The following SORCS2 variants were observed in gnomAD, a reference collection of about 807,000 sequenced individuals.
SORCS2 encodes the protein sortilin related VPS10 domain containing receptor 2.
SORCS2 carries 100 observed loss-of-function variants against 141.6 expected under a neutral mutation model. The ratio of observed to expected loss-of-function variants is 0.71; its 90% confidence interval spans 0.60 to 0.83. The LOEUF (loss-of-function observed/expected upper bound fraction) is 0.83. Ranked by LOEUF, SORCS2 falls within the 40% of genes least tolerant of loss-of-function variation. SORCS2 has a pLI of 0.00. For synonymous variants in SORCS2, 789 were observed against 676.9 expected (o/e 1.17, Z -2.57); for missense variants, 1,646 against 1,560.2 (o/e 1.05, Z -0.93).
At chr4:7,702,785 T>G (rs1275366607) in intron 12 of SORCS2, among the ~76,000 whole-genome samples, 1 of 152,234 alleles carries the variant, frequency 6.6e-6, no homozygotes, top group Non-Finnish European at 1.5e-5. Flanking sequence ...CAATGACAGA[T>G]GAGCATAGTA....
chr4:7,522,237 A>C (rs1733374334), intron 2 of SORCS2, among the ~76,000 whole-genome samples: 1 of 152,042 alleles, frequency 6.6e-6, no homozygotes, highest in African/African-American at 2.4e-5. Flanking sequence ...CACCCTGAGG[A>C]GGAGGGGTGG....
At chr4:7,224,382 A>G (rs911393498) in intron 1 of SORCS2, among the ~76,000 whole-genome samples, 1 of 152,136 alleles carries the variant, frequency 6.6e-6, no homozygotes, top group African/African-American at 2.4e-5. Context: ...GTTAAGGGTG[A>G]GAGGAGGCGG....
At chr4:7,737,518 G>A (rs541411945) in intron 26 of SORCS2, among the ~76,000 whole-genome samples, 6 of 152,322 alleles carry the variant, frequency 3.9e-5, no homozygotes, top group African/African-American at 1.2e-4. Context: ...GCCTCAGGAC[G>A]TGGGAGGCCT....
At chr4:7,216,055 T>C (rs925514390) in intron 1 of SORCS2, among the ~76,000 whole-genome samples, 1 of 152,212 alleles carries the variant, frequency 6.6e-6, no homozygotes, top group African/African-American at 2.4e-5. Flanking sequence ...GGGTCCACAC[T>C]GCTTTTATGA....
chr4:7,676,339 C>T lies in SORCS2; in HGVS notation c.1341+110C>T, dbSNP rs1044982172. 53 of 1,207,718 alleles carry T rather than the reference C, an allele frequency of 4.4e-5. No individual in the cohort carries two copies. In the Middle Eastern group the frequency reaches 8.3e-4, roughly 19 times the overall value. The allele number at this position is 1,207,718 out of a possible 1,614,324, so 74.8% of individuals were successfully genotyped here. On this transcript the variant is annotated intron_variant, in intron 9 of 26. Coordinates refer to ENST00000507866, the MANE Select transcript of SORCS2 (RefSeq NM_020777.3). ...CTCCCGCCTGTCTATATAGCTGTCTCAAGGGTCTGCACACATCTTCTGTAC... is the reference window on the plus strand; with the variant it reads ...CTCCCGCCTGTCTATATAGCTGTCTTAAGGGTCTGCACACATCTTCTGTAC...
At chr4:7,266,410 C>T (rs1280408507) in intron 1 of SORCS2, among the ~76,000 whole-genome samples, 1 of 152,200 alleles carries the variant, frequency 6.6e-6, no homozygotes. Flanking sequence ...TCCTGCCCTC[C>T]TCCCTTCTTT....
At chr4:7,401,883 CT>C (rs1260777668) in intron 2 of SORCS2, among the ~76,000 whole-genome samples, 1 of 152,132 alleles carries the variant, frequency 6.6e-6, no homozygotes, top group Admixed American at 6.5e-5. Flanking sequence ...GGAAGTGATT[CT>C]TTTTCGTTAT....
chr4:7,341,520 C>T (rs1720367414), intron 1 of SORCS2, among the ~76,000 whole-genome samples: 1 of 152,162 alleles, frequency 6.6e-6, no homozygotes, highest in Admixed American at 6.5e-5. Context: ...CTGTAAGAGG[C>T]CTGGCAGCAG....
intron 1 of SORCS2, among the ~76,000 whole-genome samples, chr4:7,359,148 T>C (rs372451691): frequency 6.6e-6 from 1 of 152,126 alleles, no homozygotes; most frequent in Non-Finnish European, 1.5e-5. Flanking sequence ...ATACAAAAAT[T>C]AGCCAAGTGT....
chr4:7,211,620 G>T (rs1023774373), intron 1 of SORCS2, among the ~76,000 whole-genome samples: 1 of 152,118 alleles, frequency 6.6e-6, no homozygotes, highest in Non-Finnish European at 1.5e-5. Flanking sequence ...TGATCCCCCT[G>T]CCTCGGCCTC....
intron 2 of SORCS2, among the ~76,000 whole-genome samples, chr4:7,484,047 T>G (rs1410896267): frequency 6.6e-6 from 1 of 152,232 alleles, no homozygotes; most frequent in Non-Finnish European, 1.5e-5. Context: ...CTTACTTTCT[T>G]CGAGCATTTA....
At chr4:7,335,630 T>C (rs1309969159) in intron 1 of SORCS2, among the ~76,000 whole-genome samples, 1 of 152,236 alleles carries the variant, frequency 6.6e-6, no homozygotes, top group African/African-American at 2.4e-5. Flanking sequence ...GGCTGTTCAC[T>C]GGCAGCTCCC....
chr4:7,240,833 G>C (rs1002898618), intron 1 of SORCS2, among the ~76,000 whole-genome samples: 1 of 152,146 alleles, frequency 6.6e-6, no homozygotes, highest in Non-Finnish European at 1.5e-5. Context: ...GGCTGAAGTC[G>C]GGTGGTTTAC....
rs1213143125 is a variant in SORCS2, at chr4:7,648,067, G to A, written c.814-6067G>A. ...AAGTGGGGTGGCCTGAGATGGAATGGGGTGCCGGCCCCTGAGGGCTCTGCT... is the reference window on the plus strand; with the variant it reads ...AAGTGGGGTGGCCTGAGATGGAATGAGGTGCCGGCCCCTGAGGGCTCTGCT... On this transcript the variant is annotated intron_variant, in intron 4 of 26. Transcript: ENST00000507866. The surrounding 1 kb of genome is among the most constrained non-coding windows in gnomAD (Gnocchi z 4.2). 6.6e-6 allele frequency among the ~76,000 whole-genome samples: 1 copy of A among 152,136 alleles called. No individual in the cohort carries two copies. Among genetic ancestry groups the A allele is most frequent in the Non-Finnish European group, 1.5e-5 (1 of 68,024 alleles).
chr4:7,737,199 G>A lies in SORCS2; in HGVS notation c.3415+27G>A, dbSNP rs772854392. 3.9e-5 allele frequency: 61 copies of A among 1,550,160 alleles called. 2 individuals are homozygous for A. The South Asian group carries it at 6.1e-4, about 15-fold the overall frequency. On this transcript the variant is annotated intron_variant, in intron 26 of 26. Coordinates refer to ENST00000507866, the MANE Select transcript of SORCS2 (RefSeq NM_020777.3). ...TGAGGAGTTTATAGATGATGATCTC[G>A]ACTCGCAGACTCTAGGTAACGTCCG...
At chr4:7,706,133 C>CTG (rs1725433258) in intron 14 of SORCS2, among the ~76,000 whole-genome samples, 1 of 132,376 alleles carries the variant, frequency 7.6e-6, no homozygotes, top group Non-Finnish European at 1.6e-5. Context: ...AGGCTGGGCT[C>CTG]CGCCTGGACA....
intron 3 of SORCS2, among the ~76,000 whole-genome samples, chr4:7,590,773 C>T (rs1716865934): frequency 1.3e-5 from 2 of 152,182 alleles, no homozygotes; most frequent in Admixed American, 6.5e-5. Flanking sequence ...CTACTGCTGA[C>T]ACCTTGATTT....
chr4:7,527,154 G>A (rs1404859546), intron 2 of SORCS2, among the ~76,000 whole-genome samples: 1 of 152,164 alleles, frequency 6.6e-6, no homozygotes, highest in East Asian at 1.9e-4. Flanking sequence ...CAGCTCACGT[G>A]GGGACACTGC....
chr4:7,278,651 C>G (rs1185876216), intron 1 of SORCS2, among the ~76,000 whole-genome samples: 2 of 152,198 alleles, frequency 1.3e-5, no homozygotes, highest in Admixed American at 6.5e-5. Flanking sequence ...CTGAGCGCCC[C>G]TAATGTGTGG....
Sources: gnomAD v4.1 joint callset for allele counts (sites outside exome capture counted in the v4.1 genomes callset) on GRCh38, gnomAD v4.1.1 for gene constraint, Gnocchi (gnomAD v3.1) non-coding constraint, MANE v1.5 for transcripts, NCBI Gene and HGNC (gene_info 2026-07-23, HGNC 2026-07-21) for gene names.